AP1S2: variants seen among roughly 807,000 people sequenced by gnomAD.
AP1S2 encodes the protein adaptor related protein complex 1 subunit sigma 2, also known as AP-1 complex subunit sigma-2.
AP1S2 carries 1 observed loss-of-function variant against 14.3 expected under a neutral mutation model. The ratio of observed to expected loss-of-function variants is 0.07; its 90% CI spans 0.02 to 0.33. AP1S2 has a LOEUF of 0.33. Among genes scored for constraint, AP1S2 ranks in the 10% least tolerant of loss-of-function variants. The probability of loss-of-function intolerance (pLI) is 0.99; values close to 1 mark genes in which losing one functional copy is unlikely to be tolerated. For synonymous variants in AP1S2, 30 were observed against 40.5 expected (o/e 0.74, Z 0.99); for missense variants, 30 against 117.7 (o/e 0.25, Z 3.45).
chrX:15,850,968 G>A (rs1034050412), intron 2 of AP1S2, among the ~76,000 whole-genome samples: 1 of 111,427 alleles, frequency 9.0e-6, no homozygotes, highest in Non-Finnish European at 1.9e-5. Context: ...GATCAACAAC[G>A]GCAGTTTTCA....
At chrX:15,843,651 A>C (rs374822462) in intron 4 of AP1S2, among the ~76,000 whole-genome samples, 9 of 112,476 alleles carry the variant, frequency 8.0e-5, no homozygotes, top group South Asian at 7.3e-4. Flanking sequence ...AATGTAATTA[A>C]TCAGAAAATG....
At chrX:15,850,995 C>G (rs1934158416) in intron 2 of AP1S2, among the ~76,000 whole-genome samples, 1 of 111,381 alleles carries the variant, frequency 9.0e-6, no homozygotes, top group Non-Finnish European at 1.9e-5. Flanking sequence ...AGAACTGTCT[C>G]CTGTGCAGAG....
In AP1S2 at chrX:15,827,324, G is replaced by A. The variant is rs1016898604; in HGVS notation, c.*1C>T. The A allele has an allele frequency of 2.6e-5, 31 of 1,205,012 alleles. No individual in the cohort carries two copies. The South Asian group carries it at 3.5e-4, about 14-fold the overall frequency. On this transcript the variant is annotated 3_prime_UTR_variant, in exon 6 of 6. Transcript: ENST00000672987. ...AAGAAGTCATCAACAAGGGAGGAGAGTTATGTCAGTCCAATTTCTTCAAGA... is the reference window on the plus strand; with the variant it reads ...AAGAAGTCATCAACAAGGGAGGAGAATTATGTCAGTCCAATTTCTTCAAGA...
Position 15,845,401 on chromosome X carries a change from T to G in AP1S2, c.404A>C (p.Glu135Ala). ...TSKKNVLKAI[E>A]QADLLQEDAK... Reference sequence around the variant, plus strand: ...TACCTCCTGCAGTAGATCAGCCTGCTCAATTGCTTTAAGGACATTTTTCTT... The same window carrying G: ...TACCTCCTGCAGTAGATCAGCCTGCGCAATTGCTTTAAGGACATTTTTCTT... Residue 135 changes from glutamate to alanine, a missense_variant, in exon 4 of 6, where the codon GAG becomes GCG. By Grantham distance (107) the Glu-to-Ala change is moderately radical. Transcript: ENST00000672987. The G allele has an allele frequency of 1.7e-6, 2 of 1,210,620 alleles. No homozygotes were observed. The highest frequency in any genetic ancestry group is 2.2e-6 in the Non-Finnish European group (2 of 895,241).
At chrX:15,838,804 G>A (rs951797916) in intron 4 of AP1S2, among the ~76,000 whole-genome samples, 1 of 111,138 alleles carries the variant, frequency 9.0e-6, no homozygotes, top group Non-Finnish European at 1.9e-5. Context: ...CTGGAGTGCA[G>A]TGGCCTGATT....
intron 4 of AP1S2, among the ~76,000 whole-genome samples, chrX:15,843,152 C>T (rs1183393315): frequency 8.9e-6 from 1 of 111,829 alleles, no homozygotes; most frequent in African/African-American, 3.3e-5. Flanking sequence ...TGTGGATCTG[C>T]AATAATGTTC....
chrX:15,848,335 C>T (rs1181863129), intron 2 of AP1S2, among the ~76,000 whole-genome samples: 3 of 111,595 alleles, frequency 2.7e-5, no homozygotes, highest in East Asian at 2.8e-4. Context: ...TCACAACAAC[C>T]GTATCCATGA....
chrX:15,833,653 T>A, intron 4 of AP1S2: 1 of 248,974 alleles, frequency 4.0e-6, no homozygotes, highest in Non-Finnish European at 5.7e-6. Context: ...AAGGACCACT[T>A]AACATTTAAG....
intron 4 of AP1S2, chrX:15,840,636 T>C: frequency 1.3e-6 from 1 of 790,061 alleles, no homozygotes; most frequent in African/African-American, 2.1e-5. Context: ...TGCTTGACTT[T>C]ACAGAAAAAA....
At position 15,827,014 on chromosome X, in the gene AP1S2, T is replaced by C. The variant is rs1163826651; in HGVS notation, c.*311A>G. The stretch of plus-strand genomic sequence containing the variant: ...AATTAATAAATGTATACTGCCTGAT[T>C]TTACATGTATATGATGTGCCATTTT... On this transcript the variant is annotated 3_prime_UTR_variant, in exon 6 of 6. Transcript: ENST00000672987. 4.0e-6 allele frequency: 1 copy of C among 249,083 alleles called. No individual in the cohort carries two copies. The highest frequency in any genetic ancestry group is 7.2e-6 in the Non-Finnish European group (1 of 139,309). The allele number at this position is 249,083 out of a possible 1,213,427, so 20.5% of individuals were successfully genotyped here.
chrX:15,849,393 T>C (rs1190674966), intron 2 of AP1S2, among the ~76,000 whole-genome samples: 4 of 112,830 alleles, frequency 3.5e-5, no homozygotes, highest in Non-Finnish European at 7.5e-5. Flanking sequence ...CTTCCAGCAG[T>C]AGGGAAAACA....
chrX:15,827,413 G>A, intron 5 of AP1S2, 41 bp from the exon 6 acceptor site: 2 of 1,090,278 alleles, frequency 1.8e-6, no homozygotes, highest in Non-Finnish European at 2.5e-6. Context: ...GCAGATCCAG[G>A]GAGTCTTGAG....
chrX:15,838,834 G>A (rs1933735140), intron 4 of AP1S2, among the ~76,000 whole-genome samples: 1 of 110,848 alleles, frequency 9.0e-6, no homozygotes, highest in Non-Finnish European at 1.9e-5. Flanking sequence ...TGCAGCCTCC[G>A]CTTCCTGGGT....
intron 4 of AP1S2, chrX:15,833,028 G>A: frequency 4.6e-6 from 5 of 1,098,534 alleles, no homozygotes; most frequent in Non-Finnish European, 5.9e-6. Context: ...AACAAGAAAA[G>A]TTTAAGTCTG....
chrX:15,837,152 G>A (rs914880057), intron 4 of AP1S2, among the ~76,000 whole-genome samples: 9 of 111,260 alleles, frequency 8.1e-5, no homozygotes, highest in Middle Eastern at 4.6e-3. Context: ...CCTAAATTAG[G>A]GTTTTTCAAA....
At chrX:15,840,574 C>A (rs1220370817) in intron 4 of AP1S2, 2 of 978,229 alleles carry the variant, frequency 2.0e-6, no homozygotes, top group South Asian at 4.0e-5. Flanking sequence ...ACAAACCTCC[C>A]CATTCTTCAT....
At chrX:15,844,941 A>ATT (rs1933956007) in intron 4 of AP1S2, 1 of 720,601 alleles carries the variant, frequency 1.4e-6, no homozygotes, top group Non-Finnish European at 1.6e-6. Context: ...CATGAGGTAA[A>ATT]AATATGAGCC....
chrX:15,846,051 T>C, intron 2 of AP1S2, 40 bp from the exon 3 acceptor site: 1 of 928,425 alleles, frequency 1.1e-6, no homozygotes, highest in Non-Finnish European at 1.6e-6. Context: ...TGTTATCCTA[T>C]AATGATGTTT....
intron 4 of AP1S2, among the ~76,000 whole-genome samples, chrX:15,842,137 T>C (rs1933854872): frequency 8.9e-6 from 1 of 112,431 alleles, no homozygotes; most frequent in Non-Finnish European, 1.9e-5. Flanking sequence ...ATTTTTGTTG[T>C]CATGGTATCC....
Sources: gnomAD v4.1 joint callset for allele counts (sites outside exome capture counted in the v4.1 genomes callset) on GRCh38, gnomAD v4.1.1 for gene constraint, MANE v1.5 for transcripts, NCBI Gene and HGNC (gene_info 2026-07-23, HGNC 2026-07-21) for gene names.